The following SF3A1 variants were observed in gnomAD, a reference collection of about 807,000 sequenced individuals.
SF3A1 encodes splicing factor 3a subunit 1, also known as SAP 114.
Under a neutral mutation model 89.9 loss-of-function variants are expected in SF3A1, and 13 were observed. That is an observed-to-expected ratio of 0.14 (90% CI 0.09 to 0.23). SF3A1 has a LOEUF of 0.23. Among genes scored for constraint, SF3A1 ranks in the 10% least tolerant of loss-of-function variants. The probability of loss-of-function intolerance (pLI) is 1.00; values close to 1 mark genes in which losing one functional copy is unlikely to be tolerated. For missense variants in SF3A1, 604 were observed against 1,022.1 expected (o/e 0.59, Z 5.58); for synonymous variants, 405 against 374.4 (o/e 1.08, Z -0.94).
chr22:30,347,657 G>A (rs1931460359), intron 2 of SF3A1, among the ~76,000 whole-genome samples: 3 of 152,178 alleles, frequency 2.0e-5, no homozygotes, highest in African/African-American at 7.2e-5. Flanking sequence ...CAACACCTGT[G>A]TCAGTCAGAA....
At chr22:30,339,679 G>C (rs974162052) in intron 9 of SF3A1, among the ~76,000 whole-genome samples, 3 of 152,152 alleles carry the variant, frequency 2.0e-5, no homozygotes, top group African/African-American at 7.2e-5. Flanking sequence ...CTGCTTGAAC[G>C]TGAGAGGCGG....
intron 8 of SF3A1, 60 bp from the exon 9 acceptor site, chr22:30,340,441 G>A (rs1931214838): frequency 1.1e-5 from 17 of 1,544,230 alleles, no homozygotes; most frequent in Middle Eastern, 1.7e-4. Flanking sequence ...AGTTAAGAGG[G>A]TGGTATTTCA....
Position 30,335,543 on chromosome 22 carries a change from G to C in SF3A1, c.2209-5C>G. On this transcript the variant is annotated splice_region_variant and splice_polypyrimidine_tract_variant and intron_variant, in intron 14 of 15. Transcript: ENST00000215793. ...CTTCACCTTAATGACAGAGACCTGT[G>C]GGATCAAGCAGCGGTCATTCAACTC... The C allele has an allele frequency of 6.2e-7, 1 of 1,614,138 alleles. No individual in the cohort carries two copies.
At chr22:30,336,037 A>G (rs1931055679) in intron 13 of SF3A1, among the ~76,000 whole-genome samples, 1 of 152,232 alleles carries the variant, frequency 6.6e-6, no homozygotes, top group African/African-American at 2.4e-5. Flanking sequence ...AGGGAAAAGA[A>G]TATGACCTGC....
At chr22:30,353,324 T>G (rs536436267) in intron 1 of SF3A1, among the ~76,000 whole-genome samples, 11 of 152,320 alleles carry the variant, frequency 7.2e-5, no homozygotes, top group Non-Finnish European at 1.6e-4. Flanking sequence ...AGACCAGGAA[T>G]CTGCATTTTT....
At chr22:30,345,419 C>G (rs533241470) in intron 3 of SF3A1, among the ~76,000 whole-genome samples, 1 of 152,300 alleles carries the variant, frequency 6.6e-6, no homozygotes, top group East Asian at 1.9e-4. Flanking sequence ...TGAGTGAGAA[C>G]CATTCCCCTC....
intron 2 of SF3A1, 151 bp downstream of exon 2, chr22:30,352,800 A>C (rs1931642123): frequency 1.3e-6 from 1 of 797,548 alleles, no homozygotes; most frequent in Non-Finnish European, 2.0e-6. Flanking sequence ...CACCAGTCCT[A>C]CCTATTGCCT....
At chr22:30,344,810 A>G (rs1931369023) in intron 4 of SF3A1, 123 bp downstream of exon 4, 1 of 1,131,070 alleles carries the variant, frequency 8.8e-7, no homozygotes, top group African/African-American at 1.6e-5. Context: ...GATTCAAAAC[A>G]TTTGCTCAGA....
chr22:30,337,661 G>T, intron 12 of SF3A1, 29 bp downstream of exon 12: 1 of 1,013,552 alleles, frequency 9.9e-7, no homozygotes, highest in Non-Finnish European at 1.5e-6. Flanking sequence ...TGAACTAATG[G>T]CCTGGAAAAT....
chr22:30,334,755 A>G, intron 15 of SF3A1, 60 bp from the exon 16 acceptor site: 1 of 1,184,172 alleles, frequency 8.4e-7, no homozygotes, highest in Non-Finnish European at 1.2e-6. Context: ...TACCGCTGCA[A>G]CCTTACAACT....
At chr22:30,340,624 G>T in intron 8 of SF3A1, 71 bp downstream of exon 8, 3 of 982,016 alleles carry the variant, frequency 3.1e-6, no homozygotes, top group Admixed American at 2.0e-5. Context: ...AGAAAGACGG[G>T]TGTGAGGAAC....
chr22:30,337,283 C>A, intron 12 of SF3A1, 103 bp from the exon 13 acceptor site: 1 of 1,147,080 alleles, frequency 8.7e-7, no homozygotes, highest in East Asian at 2.5e-5. Context: ...TTCCTCTAGT[C>A]AGAGGTGTCA....
rs1380017240 is a variant in SF3A1 at position 30,333,395 on chromosome 22, G to T, written c.*1199C>A. The T allele has an allele frequency of 2.0e-5, 3 of 152,188 alleles. No homozygotes were observed. Among genetic ancestry groups the T allele is most frequent in the African/African-American group, 7.2e-5 (3 of 41,450 alleles). The allele number at this position is 152,188 out of a possible 1,614,324, so 9.4% of individuals were successfully genotyped here. On this transcript the variant is annotated 3_prime_UTR_variant, in exon 16 of 16. Coordinates refer to ENST00000215793, the MANE Select transcript of SF3A1 (RefSeq NM_005877.6). ...TAAAAGGCACTGGGAACTCTCAGGG[G>T]CCACACACATGTGAGATCTTCCCAA...
chr22:30,356,716 C>G lies in SF3A1; in HGVS notation c.63+14G>C, dbSNP rs28627777. ...AACCCTCCGGCTGCAGGCTGAGGGG[C>G]GGGGGAGAGGTACCTGTTTGGGCTC... On this transcript the variant is annotated intron_variant, in intron 1 of 15. Coordinates refer to ENST00000215793, the MANE Select transcript of SF3A1 (RefSeq NM_005877.6). The G allele has an allele frequency of 6.8e-7, 1 of 1,479,958 alleles. No individual in the cohort carries two copies. The highest frequency in any genetic ancestry group is 9.0e-7 in the Non-Finnish European group (1 of 1,110,390). The allele number at this position is 1,479,958 out of a possible 1,614,324, so 91.7% of individuals were successfully genotyped here.
chr22:30,355,184 T>C (rs536839694), intron 1 of SF3A1, among the ~76,000 whole-genome samples: 1 of 152,306 alleles, frequency 6.6e-6, no homozygotes, highest in South Asian at 2.1e-4. Context: ...TGGCTAATTT[T>C]TTATTTTTAG....
Position 30,337,105 on chromosome 22 carries a change from A to G in SF3A1, c.2027T>C (p.Met676Thr). 3 of 1,613,992 alleles carry G rather than the reference A, an allele frequency of 1.9e-6. No homozygotes were observed. The highest frequency in any genetic ancestry group is 2.5e-6 in the Non-Finnish European group (3 of 1,179,956). ...PMPPVHPPPP[M>T]EDEPTSKKLK... ...TTTTTTGGAGGTGGGCTCATCTTCCATGGGAGGTGGGGGATGCACAGGGGG... is the reference window on the plus strand; with the variant it reads ...TTTTTTGGAGGTGGGCTCATCTTCCGTGGGAGGTGGGGGATGCACAGGGGG... Residue 676 changes from methionine (M) to threonine (T), a missense_variant, in exon 13 of 16, where the codon ATG (methionine) becomes ACG (threonine). By Grantham distance (81) the Met-to-Thr change is moderately conservative. Coordinates refer to ENST00000215793, the MANE Select transcript of SF3A1 (RefSeq NM_005877.6).
chr22:30,346,725 G>A (rs1272104821), intron 2 of SF3A1, among the ~76,000 whole-genome samples: 1 of 151,902 alleles, frequency 6.6e-6, no homozygotes, highest in Admixed American at 6.6e-5. Flanking sequence ...TCTGCCACAG[G>A]GTTTCCCTGA....
chr22:30,338,399 G>A (rs187234620), intron 11 of SF3A1, among the ~76,000 whole-genome samples: 15 of 151,502 alleles, frequency 9.9e-5, no homozygotes, highest in Admixed American at 3.3e-4. Flanking sequence ...CGGAGGTTGC[G>A]GTGAGCCAAG....
At position 30,339,214 on chromosome 22, in the gene SF3A1, C is replaced by T. The variant is rs1931171557; in HGVS notation, c.1413G>A (p.Glu471=). Residue 471 remains glutamate, a synonymous_variant, in exon 10 of 16, where the codon GAG becomes GAA. Transcript: ENST00000215793. ...CTACACCGAAGATGTCAGTACGCCG[C>T]TCAGCCAACTGCTTCAAGCTGCTCT... The part of the protein sequence containing the change: ...DIESSLKQLA[E]RRTDIFGVEE... 1 of 1,614,034 alleles carries T rather than the reference C, an allele frequency of 6.2e-7. No individual in the cohort carries two copies. Among genetic ancestry groups the T allele is most frequent in the African/African-American group, 1.3e-5 (1 of 74,932 alleles).
Sources: gnomAD v4.1 joint callset for allele counts (sites outside exome capture counted in the v4.1 genomes callset) on GRCh38, gnomAD v4.1.1 for gene constraint, MANE v1.5 for transcripts, NCBI Gene and HGNC (gene_info 2026-07-23, HGNC 2026-07-21) for gene names.